The following RAD51B variants were observed in gnomAD, a reference collection of about 807,000 sequenced individuals.
RAD51B encodes DNA repair protein RAD51 homolog 2.
A neutral mutation model predicts 42.2 loss-of-function variants in RAD51B; 38 were observed. The observed-to-expected ratio is 0.90, with a 90% confidence interval of 0.70 to 1.18. The LOEUF is 1.18. Among genes scored for constraint, RAD51B ranks in the 50% most tolerant of loss-of-function variants. The pLI is 0.00. For synonymous variants in RAD51B, 154 were observed against 145.2 expected, an observed-to-expected ratio of 1.06 and a Z score of -0.43; for missense variants, 373 against 400.7, an observed-to-expected ratio of 0.93 and a Z score of 0.59.
At chr14:68,666,810 TC>T (rs1401431068) in intron 11 of RAD51B, among the ~76,000 whole-genome samples, 11 of 152,208 alleles carry the variant, frequency 7.2e-5, no homozygotes, top group Middle Eastern at 3.2e-3. Context: ...AATCTGCTTT[TC>T]CCCCAGTGTA....
At chr14:68,179,748 A>T (rs1654821861) in intron 7 of RAD51B, among the ~76,000 whole-genome samples, 1 of 152,210 alleles carries the variant, frequency 6.6e-6, no homozygotes, top group African/African-American at 2.4e-5. Flanking sequence ...TTGTTATTGT[A>T]ACTTTTAGGA....
At chr14:68,378,464 G>C (rs950991975) in intron 8 of RAD51B, among the ~76,000 whole-genome samples, 2 of 152,132 alleles carry the variant, frequency 1.3e-5, no homozygotes, top group African/African-American at 4.8e-5. Context: ...TACCCATGAA[G>C]GATTGGTTCA....
chr14:68,338,862 A>G, intron 8 of RAD51B: 1 of 623,682 alleles, frequency 1.6e-6, no homozygotes. Context: ...GTTGGTCCTG[A>G]TAGCTTCCAC....
At chr14:68,455,130 C>T (rs192125811) in intron 9 of RAD51B, among the ~76,000 whole-genome samples, 56 of 152,264 alleles carry the variant, frequency 3.7e-4, no homozygotes, top group Middle Eastern at 3.4e-3. Flanking sequence ...TAGTGGACCA[C>T]GAAGTGGCTT....
At chr14:68,499,247 C>A (rs888191082) in intron 10 of RAD51B, among the ~76,000 whole-genome samples, 12 of 152,220 alleles carry the variant, frequency 7.9e-5, no homozygotes, top group African/African-American at 2.7e-4. Flanking sequence ...TCAGCACAGA[C>A]TTGAGTCCCC....
chr14:68,614,536 CT>C (rs59798583), downstream of RAD51B, among the ~76,000 whole-genome samples: 310 of 152,328 alleles, frequency 2.0e-3, no homozygotes, highest in African/African-American at 7.2e-3. Context: ...CCCCTTTCCT[CT>C]GGCAACCACT....
chr14:68,291,228 C>T (rs1002785518), intron 7 of RAD51B, among the ~76,000 whole-genome samples: 5 of 151,572 alleles, frequency 3.3e-5, no homozygotes, highest in African/African-American at 1.2e-4. Flanking sequence ...GATGGAATTT[C>T]GCTCTTGTTG....
chr14:68,366,854 A>C (rs938782696), intron 8 of RAD51B, among the ~76,000 whole-genome samples: 1 of 152,240 alleles, frequency 6.6e-6, no homozygotes, highest in African/African-American at 2.4e-5. Context: ...TGACTGAAAC[A>C]AAAAGTCATT....
intron 8 of RAD51B, among the ~76,000 whole-genome samples, chr14:68,396,632 T>G (rs1043911680): frequency 6.6e-6 from 1 of 152,226 alleles, no homozygotes; most frequent in African/African-American, 2.4e-5. Flanking sequence ...ATATTTTCAG[T>G]TGGAGAAAAC....
At chr14:68,004,332 CAAAAA>C (rs767211363) in intron 7 of RAD51B, among the ~76,000 whole-genome samples, 6 of 57,506 alleles carry the variant, frequency 1.0e-4, no homozygotes, top group African/African-American at 2.9e-4. Flanking sequence ...GACTCCGTCT[CAAAAA>C]AAAAAAAAAA....
intron 1 of RAD51B, chr14:67,822,434 T>C (rs916765673): frequency 6.6e-6 from 1 of 152,190 alleles, no homozygotes; most frequent in African/African-American, 2.4e-5. Context: ...CCCAGCACTT[T>C]AGGAGGTCAA....
intron 8 of RAD51B, among the ~76,000 whole-genome samples, chr14:68,301,590 GTGTTTTT>G (rs2081737795): frequency 3.6e-5 from 4 of 111,978 alleles, no homozygotes; most frequent in Admixed American, 1.1e-4. Flanking sequence ...TTTTGTTTGT[GTGTTTTT>G]TTTTTTTTTT....
chr14:68,023,066 T>A (rs887296637), intron 7 of RAD51B, among the ~76,000 whole-genome samples: 4 of 152,216 alleles, frequency 2.6e-5, no homozygotes, highest in African/African-American at 9.6e-5. Context: ...TGGGCAGCTA[T>A]AATAGGTTGA....
intron 7 of RAD51B, among the ~76,000 whole-genome samples, chr14:68,064,182 CTT>C (rs2076613434): frequency 6.6e-6 from 1 of 152,160 alleles, no homozygotes; most frequent in South Asian, 2.1e-4. Context: ...TTAGGAAAGA[CTT>C]TATTTCTTCC....
chr14:67,896,450 G>C (rs2043421095), intron 7 of RAD51B, among the ~76,000 whole-genome samples: 1 of 152,168 alleles, frequency 6.6e-6, no homozygotes, highest in Non-Finnish European at 1.5e-5. Flanking sequence ...GAAGAGCTGT[G>C]ATCATCAAGG....
At chr14:67,827,808 A>G (rs1594962156) in intron 3 of RAD51B, among the ~76,000 whole-genome samples, 1 of 152,200 alleles carries the variant, frequency 6.6e-6, no homozygotes, top group Non-Finnish European at 1.5e-5. Flanking sequence ...GCCCCTGCAA[A>G]GGACATAATC....
At chr14:68,019,051 A>G (rs1046250404) in intron 7 of RAD51B, among the ~76,000 whole-genome samples, 1 of 152,172 alleles carries the variant, frequency 6.6e-6, no homozygotes, top group Admixed American at 6.5e-5. Context: ...TTAGGCATTC[A>G]GTAATAATTG....
At chr14:68,259,184 C>A (rs1367325519) in intron 7 of RAD51B, among the ~76,000 whole-genome samples, 21 of 152,186 alleles carry the variant, frequency 1.4e-4, no homozygotes, top group African/African-American at 4.8e-4. Flanking sequence ...CCTGTCATGG[C>A]CCCTGTTCTT....
At chr14:67,849,992 T>G (rs1385065363) in intron 4 of RAD51B, among the ~76,000 whole-genome samples, 1 of 152,190 alleles carries the variant, frequency 6.6e-6, no homozygotes, top group Non-Finnish European at 1.5e-5. Flanking sequence ...TTTGTAGGTG[T>G]TGGCACTTCT....
Sources: allele counts gnomAD v4.1 joint callset (sites outside exome capture counted in the v4.1 genomes callset), GRCh38; gene constraint gnomAD v4.1.1; transcripts MANE v1.5; gene names NCBI Gene and HGNC (gene_info 2026-07-23, HGNC 2026-07-21).